The following ZNF177 variants were observed in gnomAD, a reference collection of about 807,000 sequenced individuals.
The protein encoded by ZNF177 is zinc finger protein 177.
In ZNF177, 17 loss-of-function variants were observed where a neutral mutation model predicts 19.4. That is an observed-to-expected ratio of 0.87 (90% confidence interval 0.60 to 1.31). ZNF177 has a LOEUF of 1.31. Ranked by LOEUF, ZNF177 falls within the 40% of genes most tolerant of loss-of-function variation. The pLI, the probability that ZNF177 is intolerant of heterozygous loss-of-function variation, is 0.00. For synonymous variants in ZNF177, 220 were observed against 188.7 expected (o/e 1.17, Z -1.36); for missense variants, 633 against 561.8 (o/e 1.13, Z -1.28).
Position 9,363,485 on chromosome 19 carries a change from C to T in ZNF177, c.-392+401C>T, listed in dbSNP as rs115122847. Among the ~76,000 whole-genome samples, 762 of 152,146 alleles carry T rather than the reference C, an allele frequency of 5.0e-3. 7 individuals are homozygous for T. The highest frequency in any genetic ancestry group is 0.017 in the African/African-American group (718 of 41,508). ...GTTTGTGGAGATCGTCCCTTTTTTTCCCCTCTGTTATGTGGATGCACCCTA... is the reference window on the plus strand; with the variant it reads ...GTTTGTGGAGATCGTCCCTTTTTTTTCCCTCTGTTATGTGGATGCACCCTA... On this transcript the variant is annotated intron_variant, in intron 1 of 8. Coordinates refer to the ZNF177 transcript ENST00000343499.
At chr19:9,378,368 C>T in intron 2 of ZNF177, 24 bp downstream of exon 4, 2 of 1,613,296 alleles carry the variant, frequency 1.2e-6, no homozygotes, top group Non-Finnish European at 1.7e-6. Flanking sequence ...TTCTCTATTT[C>T]CAAAAGCACA....
intron 2 of ZNF177, 186 bp downstream of exon 4, chr19:9,378,530 C>T (rs748056641): frequency 6.4e-6 from 6 of 932,620 alleles, no homozygotes; most frequent in Non-Finnish European, 9.5e-6. Context: ...TGTTAACTTT[C>T]TCCAGATATT....
intron 2 of ZNF177, among the ~76,000 whole-genome samples, chr19:9,369,321 G>GACT (rs2068018836): frequency 6.6e-6 from 1 of 152,022 alleles, no homozygotes; most frequent in African/African-American, 2.4e-5. Context: ...TATGAGACTA[G>GACT]AATTTTATAT....
upstream of ZNF177, among the ~76,000 whole-genome samples, chr19:9,375,225 T>G (rs2068094746): frequency 6.6e-6 from 1 of 152,216 alleles, no homozygotes; most frequent in African/African-American, 2.4e-5. Flanking sequence ...AAGGTACTGT[T>G]GAATTTGGTT....
intron 1 of ZNF177, among the ~76,000 whole-genome samples, chr19:9,377,846 T>C (rs2068133256): frequency 7.0e-6 from 1 of 142,248 alleles, no homozygotes; most frequent in Admixed American, 7.0e-5. Flanking sequence ...CCCTATGAAA[T>C]TGGTCCCATT....
upstream of ZNF177, among the ~76,000 whole-genome samples, chr19:9,373,340 C>T (rs1012529638): frequency 2.0e-5 from 3 of 152,132 alleles, no homozygotes; most frequent in Admixed American, 6.5e-5. Flanking sequence ...ATTTTCTTTA[C>T]GCATTCAGCA....
Position 9,371,146 on chromosome 19 carries a change from G to A in ZNF177, c.-304-464G>A, listed in dbSNP as rs140809850. The stretch of plus-strand genomic sequence containing the variant: ...TCATTTCATCAGTATATTACTAACT[G>A]TGCATCTCTAGTTGGTTCATCACCA... On this transcript the variant is annotated intron_variant, in intron 2 of 8. Coordinates refer to the ZNF177 transcript ENST00000343499. 2.7e-4 allele frequency among the ~76,000 whole-genome samples: 41 copies of A among 152,216 alleles called. 2 individuals are homozygous for A. The East Asian group carries it at 7.9e-3, about 29-fold the overall frequency.
At chr19:9,379,905 C>T (rs1259579728) in intron 4 of ZNF177, 152 bp from the exon 7 acceptor site, 2 of 949,824 alleles carry the variant, frequency 2.1e-6, no homozygotes, top group Admixed American at 6.4e-5. Context: ...CTGCTTGTTC[C>T]TATCACTGGT....
intron 2 of ZNF177, among the ~76,000 whole-genome samples, chr19:9,369,489 T>C (rs2068020928): frequency 6.6e-6 from 1 of 151,978 alleles, no homozygotes; most frequent in African/African-American, 2.4e-5. Context: ...TGTGTTGTTG[T>C]GGATTTTAGT....
upstream of ZNF177, chr19:9,371,596 TTTTCCTTTTATAGGTGACCTGTG>T (rs1382768446): frequency 6.6e-6 from 1 of 152,236 alleles, no homozygotes; most frequent in African/African-American, 2.4e-5. Flanking sequence ...ATCAGTCTGT[TTTTCCTTTTATAGGTGACCTGTG>T]TTTTTCCCCT....
chr19:9,381,755 A>G (rs368763366), exon 6 of ZNF177: 7 of 1,602,368 alleles, frequency 4.4e-6, no homozygotes, highest in Admixed American at 1.7e-5. Context: ...CGAATCCACA[A>G]TGGCCAGAAA....
upstream of ZNF177, among the ~76,000 whole-genome samples, chr19:9,373,243 A>G (rs1172950478): frequency 6.6e-6 from 1 of 152,148 alleles, no homozygotes; most frequent in Non-Finnish European, 1.5e-5. Context: ...GTATTTGTCT[A>G]TGTCCGCCTT....
At chr19:9,367,437 TCATA>T (rs1416010949) in intron 2 of ZNF177, among the ~76,000 whole-genome samples, 2 of 152,268 alleles carry the variant, frequency 1.3e-5, no homozygotes, top group African/African-American at 4.8e-5. Flanking sequence ...TTTGAGTTGA[TCATA>T]CAATTTTTCT....
intron 5 of ZNF177, 89 bp downstream of exon 7, chr19:9,380,228 A>G: frequency 7.0e-7 from 1 of 1,420,522 alleles, no homozygotes; most frequent in African/African-American, 1.5e-5. Flanking sequence ...AAGCAGGGGT[A>G]AGAATTCAGG....
intron 2 of ZNF177, among the ~76,000 whole-genome samples, chr19:9,371,194 A>T (rs2068043462): frequency 6.6e-6 from 1 of 152,122 alleles, no homozygotes; most frequent in Admixed American, 6.5e-5. Flanking sequence ...CCCACCTAAC[A>T]AAGTCTGACG....
In ZNF177 at chr19:9,368,083, GT is replaced by G. The variant is rs544165617; in HGVS notation, c.-305+3141del. The stretch of plus-strand genomic sequence containing the variant: ...GACTGATAAAGCCTTTGAGCATGGT[GT>G]TTTTTGGTGAAAACCTAAATAATCT... On this transcript the variant is annotated intron_variant, in intron 2 of 8. Transcript: ENST00000343499. Among the ~76,000 whole-genome samples the G allele has an allele frequency of 6.7e-4, 102 of 152,262 alleles. 1 individual carries two copies. In the East Asian group the frequency reaches 0.018, roughly 27 times the overall value.
chr19:9,371,422 TG>T (rs2068045886), upstream of ZNF177, among the ~76,000 whole-genome samples: 1 of 152,210 alleles, frequency 6.6e-6, no homozygotes, highest in African/African-American at 2.4e-5. Context: ...TTTTGCTGAC[TG>T]GTTTGTTTTC....
intron 2 of ZNF177, among the ~76,000 whole-genome samples, chr19:9,366,620 C>T (rs1023853370): frequency 5.3e-5 from 8 of 152,188 alleles, no homozygotes; most frequent in African/African-American, 1.9e-4. Flanking sequence ...TTTATCCGTT[C>T]ATCGGTAGAT....
chr19:9,378,499 A>G, intron 2 of ZNF177, 155 bp downstream of exon 4: 1 of 1,216,804 alleles, frequency 8.2e-7, no homozygotes, highest in Non-Finnish European at 1.1e-6. Context: ...AATCCCTGGG[A>G]AAGGCTTCTG....
Sources: gnomAD v4.1 joint callset for allele counts (sites outside exome capture counted in the v4.1 genomes callset) on GRCh38, gnomAD v4.1.1 for gene constraint, MANE v1.5 for transcripts, NCBI Gene and HGNC (gene_info 2026-07-23, HGNC 2026-07-21) for gene names.